The following C12orf56 variants were observed in gnomAD, a reference collection of about 807,000 sequenced individuals.
The protein encoded by C12orf56 is uncharacterized protein C12orf56.
In C12orf56, 71 loss-of-function variants were observed where a neutral mutation model predicts 69.9. The ratio of observed to expected loss-of-function variants is 1.02; its 90% confidence interval spans 0.84 to 1.24. The LOEUF is 1.24. Ranked by LOEUF, C12orf56 falls within the 50% of genes most tolerant of loss-of-function variation. The pLI is 0.00. For synonymous variants in C12orf56, 276 were observed against 274.1 expected (o/e 1.01, Z -0.07); for missense variants, 732 against 738.5 (o/e 0.99, Z 0.10).
intron 4 of C12orf56, among the ~76,000 whole-genome samples, chr12:64,318,212 C>G (rs2038714380): frequency 6.6e-6 from 1 of 152,014 alleles, no homozygotes; most frequent in South Asian, 2.1e-4. Context: ...CGGCGCGCAC[C>G]ACCACATCCG....
At chr12:64,273,877 A>G (rs1265332207) in intron 11 of C12orf56, among the ~76,000 whole-genome samples, 1 of 152,172 alleles carries the variant, frequency 6.6e-6, no homozygotes, top group Non-Finnish European at 1.5e-5. Context: ...CCACCCCACA[A>G]TTTCACATGG....
intron 3 of C12orf56, among the ~76,000 whole-genome samples, chr12:64,319,952 C>T (rs12300514): frequency 0.27 from 40,927 of 151,712 alleles, 5,906 homozygotes; most frequent in East Asian, 0.5. Flanking sequence ...GCTGAGCTTT[C>T]GCTCCCCGTC....
chr12:64,287,795 GC>G (rs1468714885), intron 6 of C12orf56, among the ~76,000 whole-genome samples: 3 of 10,550 alleles, frequency 2.8e-4, no homozygotes, highest in African/African-American at 3.0e-4. Flanking sequence ...TGTGAATAAT[GC>G]CGCAATAAAC....
chr12:64,375,149 C>T (rs2039624612), intron 1 of C12orf56, among the ~76,000 whole-genome samples: 1 of 151,938 alleles, frequency 6.6e-6, no homozygotes, highest in Non-Finnish European at 1.5e-5. Flanking sequence ...CCTCCGCCTC[C>T]CAGGTTCAAG....
At chr12:64,367,263 T>TATACAGTTTATATATTATATA (rs2039507065) in intron 1 of C12orf56, among the ~76,000 whole-genome samples, 8 of 115,602 alleles carry the variant, frequency 6.9e-5, no homozygotes, top group African/African-American at 2.9e-4. Context: ...TTATATATAA[T>TATACAGTTTATATATTATATA]ATACAGTTTA....
intron 1 of C12orf56, among the ~76,000 whole-genome samples, chr12:64,388,609 G>T (rs1290996616): frequency 6.6e-6 from 1 of 152,222 alleles, no homozygotes; most frequent in Non-Finnish European, 1.5e-5. Flanking sequence ...AAGGCCAGGT[G>T]CTGTGGCTCT....
At chr12:64,310,972 G>A (rs896143990) in intron 5 of C12orf56, among the ~76,000 whole-genome samples, 1 of 151,224 alleles carries the variant, frequency 6.6e-6, no homozygotes, top group Non-Finnish European at 1.5e-5. Flanking sequence ...TGTAGTGTTT[G>A]GTTTCTCGTC....
Position 64,330,995 on chromosome 12 carries a change from G to C in C12orf56, c.453C>G (p.Ser151Arg), listed in dbSNP as rs764963734. 1.3e-6 allele frequency: 2 copies of C among 1,556,208 alleles called. No individual in the cohort carries two copies. The highest frequency in any genetic ancestry group is 1.7e-6 in the Non-Finnish European group (2 of 1,149,250). The change falls in exon 3 of 13, where the codon AGC becomes AGG. Residue 151 changes from serine (S) to arginine (R), a missense_variant. Transcript: ENST00000543942. ...ATTCTTTCAGACTTCTGGACTCTTT[G>C]CTTCTCCAAAAGGCAAGGCCGTTCT... ...EEKNGLAFWR[S>R]KESRSLKESP...
chr12:64,320,398 C>A (rs1264760992), intron 3 of C12orf56, among the ~76,000 whole-genome samples: 2 of 152,110 alleles, frequency 1.3e-5, no homozygotes, highest in Non-Finnish European at 2.9e-5. Flanking sequence ...CTCAAATGAT[C>A]TGCCCACCTC....
At chr12:64,319,527 C>T (rs372582241) in intron 3 of C12orf56, among the ~76,000 whole-genome samples, 2 of 152,178 alleles carry the variant, frequency 1.3e-5, no homozygotes, top group East Asian at 1.9e-4. Context: ...TCCTGAGTAG[C>T]TGGGACTACA....
intron 6 of C12orf56, among the ~76,000 whole-genome samples, chr12:64,300,550 C>T (rs528909817): frequency 6.6e-6 from 1 of 152,246 alleles, no homozygotes; most frequent in East Asian, 1.9e-4. Flanking sequence ...GGGTGGACTT[C>T]CCCTTTGAGC....
At chr12:64,388,003 C>T (rs2039816646) in intron 1 of C12orf56, among the ~76,000 whole-genome samples, 1 of 152,064 alleles carries the variant, frequency 6.6e-6, no homozygotes, top group Non-Finnish European at 1.5e-5. Flanking sequence ...GAGTTTTGCT[C>T]CTGTTGCCCA....
Position 64,390,710 on chromosome 12 carries a change from G to C in C12orf56, c.-145C>G, listed in dbSNP as rs1281731058. On this transcript the variant is annotated 5_prime_UTR_variant, in exon 1 of 13. Coordinates refer to ENST00000543942, the MANE Select transcript of C12orf56 (RefSeq NM_001170633.2). ...AGGCGCGGGGACCCGGGCCGCAACT[G>C]CAGGAATCGACGCTAGGTCGGCTTC... The C allele has an allele frequency of 8.4e-7, 1 of 1,197,318 alleles. No individual in the cohort carries two copies. Among genetic ancestry groups the C allele is most frequent in the East Asian group, 3.1e-5 (1 of 32,400 alleles). 74.2% of individuals were successfully genotyped at this position (1,197,318 alleles called of 1,614,324 possible).
At chr12:64,359,806 TG>T (rs1263674242) in intron 1 of C12orf56, among the ~76,000 whole-genome samples, 1 of 152,054 alleles carries the variant, frequency 6.6e-6, no homozygotes, top group Admixed American at 6.6e-5. Context: ...CTCCTCTTCC[TG>T]GGTTCAAGCA....
intron 4 of C12orf56, among the ~76,000 whole-genome samples, chr12:64,315,312 T>G (rs559975805): frequency 1.7e-4 from 26 of 151,892 alleles, no homozygotes; most frequent in African/African-American, 4.6e-4. Flanking sequence ...CTACGTTTTT[T>G]TTTTTTTTTT....
Position 64,318,564 on chromosome 12 carries a change from AG to A in C12orf56, c.894+10del. On this transcript the variant is annotated intron_variant, in intron 4 of 12. Transcript: ENST00000543942. ...AAATTCAGGTTAAGGTTAACTTAGG[AG>A]GACACTTACTATAATATAATTGTTC... The A allele has an allele frequency of 6.6e-7, 1 of 1,509,848 alleles. No homozygotes were observed. Among genetic ancestry groups the A allele is most frequent in the Non-Finnish European group, 8.8e-7 (1 of 1,130,998 alleles). The allele number at this position is 1,509,848 out of a possible 1,614,324, so 93.5% of individuals were successfully genotyped here.
chr12:64,366,878 TATATATTATATA>T, intron 1 of C12orf56, among the ~76,000 whole-genome samples: 1 of 125,776 alleles, frequency 8.0e-6, no homozygotes, highest in African/African-American at 3.2e-5. Context: ...ATACAGTTTA[TATATATTATATA>T]ACATACAGTT....
intron 3 of C12orf56, among the ~76,000 whole-genome samples, chr12:64,328,717 A>ATC (rs2038885293): frequency 2.2e-4 from 2 of 9,054 alleles, no homozygotes; most frequent in East Asian, 6.0e-3. Flanking sequence ...ATATATATAT[A>ATC]TATATATATA....
At chr12:64,365,207 C>T (rs2039448922) in intron 1 of C12orf56, among the ~76,000 whole-genome samples, 1 of 149,256 alleles carries the variant, frequency 6.7e-6, no homozygotes, top group African/African-American at 2.5e-5. Flanking sequence ...TCCTGTTGCC[C>T]CGGCTGGAGT....
Sources: allele counts gnomAD v4.1 joint callset (sites outside exome capture counted in the v4.1 genomes callset), GRCh38; gene constraint gnomAD v4.1.1; transcripts MANE v1.5; gene names NCBI Gene and HGNC (gene_info 2026-07-23, HGNC 2026-07-21).